Variants in MFHAS1 observed in about 807,000 individuals in gnomAD.
MFHAS1 encodes multifunctional ROCO family signaling regulator 1, also known as malignant fibrous histiocytoma-amplified sequence 1.
Under a neutral mutation model 70.4 loss-of-function variants are expected in MFHAS1, and 50 were observed. The observed-to-expected ratio is 0.71, with a 90% CI of 0.57 to 0.90. The LOEUF is 0.90. MFHAS1 is among the 40% of genes least tolerant of loss of function. The pLI is 0.00. For synonymous variants in MFHAS1, 952 were observed against 620.0 expected (o/e 1.54, Z -7.96); for missense variants, 1,795 against 1,347.6 (o/e 1.33, Z -5.20).
At chr8:8,824,562 CA>C (rs1807086708) in intron 1 of MFHAS1, among the ~76,000 whole-genome samples, 1 of 122,442 alleles carries the variant, frequency 8.2e-6, no homozygotes, top group African/African-American at 2.7e-5. Context: ...CACACACACA[CA>C]CACACCCCTT....
intron 2 of MFHAS1, among the ~76,000 whole-genome samples, chr8:8,789,364 G>A (rs116842825): frequency 0.017 from 2,592 of 152,256 alleles, 33 homozygotes; most frequent in Middle Eastern, 0.037. Flanking sequence ...AGAACTTTGC[G>A]GGAGGAAGGC....
At chr8:8,823,280 A>C (rs780033937) in intron 1 of MFHAS1, among the ~76,000 whole-genome samples, 5 of 152,228 alleles carry the variant, frequency 3.3e-5, no homozygotes, top group African/African-American at 1.2e-4. Flanking sequence ...CAGCTTCTGA[A>C]GCCTTGCTTT....
In MFHAS1 at chr8:8,892,480, G is replaced by A. The variant is rs35036539; in HGVS notation, c.579C>T (p.Leu193=). Residue 193 remains leucine, a synonymous_variant, in exon 1 of 3, where the codon CTC becomes CTT. Coordinates refer to ENST00000276282, the MANE Select transcript of MFHAS1 (RefSeq NM_004225.3). This position sits in a 1 kb window ranked among gnomAD's most constrained non-coding sequence, Gnocchi z 4.7. ...LRTLDVDHNQ[L]TAFPRQLLQL... ...GCAGCAGCTGCCGGGGGAAGGCAGTGAGCTGGTTGTGATCCACGTCCAGGG... is the reference window on the plus strand; with the variant it reads ...GCAGCAGCTGCCGGGGGAAGGCAGTAAGCTGGTTGTGATCCACGTCCAGGG... 7.0e-4 allele frequency: 1,131 copies of A among 1,607,190 alleles called. 10 individuals are homozygous for A. In the African/African-American group the frequency reaches 0.014, roughly 19 times the overall value.
chr8:8,844,543 C>T (rs1251813444), intron 1 of MFHAS1, among the ~76,000 whole-genome samples: 3 of 152,160 alleles, frequency 2.0e-5, no homozygotes, highest in South Asian at 2.1e-4. Flanking sequence ...ACACAACTGG[C>T]GTGCTCTAAT....
chr8:8,800,988 G>A (rs1014289460), intron 1 of MFHAS1, among the ~76,000 whole-genome samples: 11 of 152,042 alleles, frequency 7.2e-5, no homozygotes, highest in African/African-American at 2.7e-4. Flanking sequence ...GGCCGAGGTG[G>A]GCGGATCACA....
At chr8:8,853,771 G>GACA (rs1808331127) in intron 1 of MFHAS1, among the ~76,000 whole-genome samples, 2 of 152,208 alleles carry the variant, frequency 1.3e-5, no homozygotes, top group Admixed American at 6.5e-5. Context: ...TCACTATGTT[G>GACA]GGCAGGCTAG....
At chr8:8,887,365 G>A (rs2116942019) in intron 1 of MFHAS1, among the ~76,000 whole-genome samples, 1 of 151,700 alleles carries the variant, frequency 6.6e-6, no homozygotes, top group South Asian at 2.1e-4. Flanking sequence ...ACAAATGATG[G>A]CTATCACAGA....
chr8:8,891,877 G>C lies in MFHAS1; in HGVS notation c.1182C>G (p.Ala394=), dbSNP rs759318350. Residue 394 remains alanine (A), a synonymous_variant, in exon 1 of 3, where the codon GCC becomes GCG. Coordinates refer to ENST00000276282, the MANE Select transcript of MFHAS1 (RefSeq NM_004225.3). The surrounding 1 kb of genome is among the most constrained non-coding windows in gnomAD (Gnocchi z 5.4). ...GGGAATGAGCCAGTTCCTTCTGGTAGGCTGCGATGTAGGGGATCCCCTTCA... is the reference window on the plus strand; with the variant it reads ...GGGAATGAGCCAGTTCCTTCTGGTACGCTGCGATGTAGGGGATCCCCTTCA... ...VCMKGIPYIA[A]YQKELAHSQP... The C allele has an allele frequency of 6.2e-7, 1 of 1,611,842 alleles. No individual in the cohort carries two copies. Among genetic ancestry groups the C allele is most frequent in the African/African-American group, 1.3e-5 (1 of 75,028 alleles).
chr8:8,784,102 T>A lies in MFHAS1; in HGVS notation c.*1920A>T, dbSNP rs1805451294. The A allele has an allele frequency of 2.0e-5, 3 of 152,188 alleles. No individual in the cohort carries two copies. Among genetic ancestry groups the A allele is most frequent in the Admixed American group, 2.0e-4 (3 of 15,286 alleles). 9.4% of individuals were successfully genotyped at this position (152,188 alleles called of 1,614,324 possible). On this transcript the variant is annotated 3_prime_UTR_variant, in exon 3 of 3. Coordinates refer to ENST00000276282, the MANE Select transcript of MFHAS1 (RefSeq NM_004225.3). ...GTCACCCAAAGGAGCATTTTTGTCATTTAATATGGTCCCCGGGGAGTTAGC... is the reference window on the plus strand; with the variant it reads ...GTCACCCAAAGGAGCATTTTTGTCAATTAATATGGTCCCCGGGGAGTTAGC...
At chr8:8,889,285 T>G (rs1809894307) in intron 1 of MFHAS1, among the ~76,000 whole-genome samples, 1 of 152,112 alleles carries the variant, frequency 6.6e-6, no homozygotes, top group Admixed American at 6.5e-5. Flanking sequence ...GAAACGCCCC[T>G]CAAAGATTTC....
intron 1 of MFHAS1, among the ~76,000 whole-genome samples, chr8:8,861,364 A>G (rs1169869791): frequency 6.6e-6 from 1 of 152,196 alleles, no homozygotes; most frequent in Admixed American, 6.5e-5. Flanking sequence ...GATATCAACA[A>G]TTTCATGTGG....
In MFHAS1 at chr8:8,808,222, CTGGG is replaced by C. The variant is rs1563182978; in HGVS notation, c.2999-10735_2999-10732del. 3.6e-4 allele frequency among the ~76,000 whole-genome samples: 54 copies of C among 150,886 alleles called. 1 individual carries two copies. Among genetic ancestry groups the C allele is most frequent in the South Asian group, 1.5e-3 (7 of 4,690 alleles). On this transcript the variant is annotated intron_variant, in intron 1 of 2. Transcript: ENST00000276282. ...GTGCCCCCACACTGTAGACGCTCCC[CTGGG>C]AACCCTCCTCTGCCCAGTGTCCCCA...
chr8:8,817,132 T>C (rs528958418), intron 1 of MFHAS1, among the ~76,000 whole-genome samples: 16 of 152,188 alleles, frequency 1.1e-4, no homozygotes, highest in African/African-American at 3.9e-4. Flanking sequence ...AGTGGCAGAC[T>C]CCGAAAACTA....
At chr8:8,817,366 T>C (rs139397410) in intron 1 of MFHAS1, among the ~76,000 whole-genome samples, 94 of 152,376 alleles carry the variant, frequency 6.2e-4, no homozygotes, top group African/African-American at 2.2e-3. Context: ...GTAATTCGCT[T>C]AATAAAGCCA....
At chr8:8,814,007 C>T (rs1190986403) in intron 1 of MFHAS1, among the ~76,000 whole-genome samples, 1 of 150,556 alleles carries the variant, frequency 6.6e-6, no homozygotes, top group African/African-American at 2.5e-5. Flanking sequence ...GGCATGATCT[C>T]GGTCACTGCA....
chr8:8,882,327 T>G (rs1196410119), intron 1 of MFHAS1, among the ~76,000 whole-genome samples: 1 of 151,824 alleles, frequency 6.6e-6, no homozygotes, highest in African/African-American at 2.4e-5. Context: ...GAGGTGGAGG[T>G]TGCAGTGAGC....
intron 1 of MFHAS1, among the ~76,000 whole-genome samples, chr8:8,831,476 T>C (rs902818290): frequency 1.3e-5 from 2 of 152,234 alleles, no homozygotes; most frequent in Middle Eastern, 3.4e-3. Context: ...TCGTTAGTAC[T>C]TGGATGGGAA....
In MFHAS1 at chr8:8,785,950, T is replaced by G; in HGVS notation, c.*72A>C. ...CACGCTGGGGTGAGTGCAGAGGGTC[T>G]GCCAGGTGCAAAAGATGGTCCAGGT... On this transcript the variant is annotated 3_prime_UTR_variant, in exon 3 of 3. Transcript: ENST00000276282. 6.7e-7 allele frequency: 1 copy of G among 1,495,234 alleles called. No homozygotes were observed. The highest frequency in any genetic ancestry group is 9.3e-7 in the Non-Finnish European group (1 of 1,075,266). 92.6% of individuals were successfully genotyped at this position (1,495,234 alleles called of 1,614,324 possible).
chr8:8,816,412 A>G (rs1336073470), intron 1 of MFHAS1, among the ~76,000 whole-genome samples: 1 of 152,232 alleles, frequency 6.6e-6, no homozygotes, highest in Non-Finnish European at 1.5e-5. Flanking sequence ...ATCCTCCCCA[A>G]GAAAATAAAA....
Sources: gnomAD v4.1 joint callset for allele counts (sites outside exome capture counted in the v4.1 genomes callset) on GRCh38, gnomAD v4.1.1 for gene constraint, Gnocchi (gnomAD v3.1) non-coding constraint, MANE v1.5 for transcripts, NCBI Gene and HGNC (gene_info 2026-07-23, HGNC 2026-07-21) for gene names.